Variants in DACH1 observed in about 807,000 individuals in gnomAD.
The protein encoded by DACH1 is dachshund homolog 1.
DACH1 carries 12 observed loss-of-function variants against 54.2 expected under a neutral mutation model. That is an observed-to-expected ratio of 0.22 (90% CI 0.14 to 0.36). The LOEUF (loss-of-function observed/expected upper bound fraction) is 0.36. DACH1 is among the 10% of genes least tolerant of loss of function. The probability of loss-of-function intolerance (pLI) is 1.00; values close to 1 mark genes in which losing one functional copy is unlikely to be tolerated. For synonymous variants in DACH1, 386 were observed against 366.2 expected, an observed-to-expected ratio of 1.05 and a Z score of -0.62; for missense variants, 805 against 929.8, an observed-to-expected ratio of 0.87 and a Z score of 1.75.
At chr13:71,850,105 T>C (rs1387929912) in intron 1 of DACH1, among the ~76,000 whole-genome samples, 2 of 152,176 alleles carry the variant, frequency 1.3e-5, no homozygotes, top group Admixed American at 6.5e-5. Context: ...CTATAATATG[T>C]TGGGGAAGGA....
intron 6 of DACH1, among the ~76,000 whole-genome samples, chr13:71,496,016 T>C (rs982003952): frequency 1.3e-5 from 2 of 151,834 alleles, no homozygotes; most frequent in Non-Finnish European, 2.9e-5. Context: ...GTGGATCACT[T>C]GAGGCCAGGA....
intron 2 of DACH1, 40 bp from the exon 3 acceptor site, chr13:71,630,757 G>T (rs764408341): frequency 6.6e-7 from 1 of 1,512,772 alleles, no homozygotes; most frequent in Non-Finnish European, 8.8e-7. Context: ...TTCAAATTCT[G>T]ATTTTTCATT....
rs561101752 is a variant in DACH1, at chr13:71,671,288, A to C, written c.964+10507T>G. ...AAAAATATATGTAAAAATCTCTTTCAATTGGAAAAAAAAAAGTATCCGTTA... is the reference window on the plus strand; with the variant it reads ...AAAAATATATGTAAAAATCTCTTTCCATTGGAAAAAAAAAAGTATCCGTTA... On this transcript the variant is annotated intron_variant, in intron 2 of 10. Coordinates refer to ENST00000613252, the MANE Select transcript of DACH1 (RefSeq NM_080759.6). 1.7e-3 allele frequency among the ~76,000 whole-genome samples: 259 copies of C among 152,106 alleles called. 1 individual carries two copies. Among genetic ancestry groups the C allele is most frequent in the African/African-American group, 6.0e-3 (251 of 41,548 alleles).
intron 6 of DACH1, among the ~76,000 whole-genome samples, chr13:71,498,172 A>T (rs1879605895): frequency 6.6e-6 from 1 of 152,344 alleles, no homozygotes; most frequent in East Asian, 1.9e-4. Flanking sequence ...ATTATATGCA[A>T]CTATCACCTA....
chr13:71,804,232 G>A (rs1220927979), intron 1 of DACH1, among the ~76,000 whole-genome samples: 2 of 152,122 alleles, frequency 1.3e-5, no homozygotes, highest in African/African-American at 2.4e-5. Flanking sequence ...AGAATTGCTT[G>A]AGCCCAAGAA....
chr13:71,574,645 A>ACT (rs1214031782), intron 3 of DACH1, among the ~76,000 whole-genome samples: 1 of 152,068 alleles, frequency 6.6e-6, no homozygotes, highest in Admixed American at 6.5e-5. Flanking sequence ...ATCTTAGAGT[A>ACT]AAGTGTTCAG....
intron 1 of DACH1, among the ~76,000 whole-genome samples, chr13:71,750,861 A>G (rs188066031): frequency 2.7e-3 from 409 of 152,332 alleles, no homozygotes; most frequent in Admixed American, 4.2e-3. Context: ...AATGAAACAC[A>G]CACATTGTTG....
intron 6 of DACH1, among the ~76,000 whole-genome samples, chr13:71,530,167 T>TGGAC (rs1882318635): frequency 6.6e-6 from 1 of 152,190 alleles, no homozygotes; most frequent in Non-Finnish European, 1.5e-5. Flanking sequence ...TAATGCTTTG[T>TGGAC]GGACATATAT....
At chr13:71,781,755 C>G (rs1201397987) in intron 1 of DACH1, among the ~76,000 whole-genome samples, 2 of 152,086 alleles carry the variant, frequency 1.3e-5, no homozygotes, top group Non-Finnish European at 2.9e-5. Context: ...AAATTTGATG[C>G]ATAATTCATG....
intron 3 of DACH1, 89 bp from the exon 4 acceptor site, chr13:71,573,101 T>C: frequency 7.7e-7 from 1 of 1,305,810 alleles, no homozygotes; most frequent in Non-Finnish European, 1.0e-6. Context: ...ATAATGGTAG[T>C]CAAAGAAACA....
At chr13:71,643,785 T>A (rs1418605349) in intron 2 of DACH1, among the ~76,000 whole-genome samples, 1 of 152,104 alleles carries the variant, frequency 6.6e-6, no homozygotes, top group Non-Finnish European at 1.5e-5. Context: ...AAATATTAAA[T>A]TACAGCCATG....
chr13:71,711,624 G>A (rs796742745), intron 1 of DACH1, among the ~76,000 whole-genome samples: 4 of 152,204 alleles, frequency 2.6e-5, no homozygotes, highest in African/African-American at 9.6e-5. Context: ...ATAATCATTT[G>A]TAATCAAACC....
chr13:71,744,488 C>G (rs772034585), intron 1 of DACH1, among the ~76,000 whole-genome samples: 1 of 152,172 alleles, frequency 6.6e-6, no homozygotes, highest in Non-Finnish European at 1.5e-5. Context: ...TTTCCTATCA[C>G]AATTCTGAAG....
chr13:71,483,386 TAATTA>T (rs1878220269), intron 7 of DACH1, among the ~76,000 whole-genome samples: 1 of 142,794 alleles, frequency 7.0e-6, no homozygotes, highest in South Asian at 2.1e-4. Context: ...TATGTATCAA[TAATTA>T]AATTATGATT....
intron 7 of DACH1, among the ~76,000 whole-genome samples, chr13:71,484,119 A>G (rs1305698730): frequency 1.3e-5 from 2 of 152,094 alleles, no homozygotes; most frequent in Non-Finnish European, 2.9e-5. Flanking sequence ...GATTATGTCC[A>G]TTTACTAGGC....
intron 10 of DACH1, among the ~76,000 whole-genome samples, chr13:71,443,571 CAT>C (rs986167555): frequency 5.3e-5 from 8 of 152,248 alleles, no homozygotes; most frequent in African/African-American, 1.7e-4. Flanking sequence ...AAATAGCATA[CAT>C]GTTTGGATAT....
intron 2 of DACH1, among the ~76,000 whole-genome samples, chr13:71,639,115 G>A (rs1877710415): frequency 6.6e-6 from 1 of 152,082 alleles, no homozygotes; most frequent in Non-Finnish European, 1.5e-5. Context: ...GAAAACACCA[G>A]TACCTTTTTT....
chr13:71,495,268 T>C (rs577943803), intron 6 of DACH1, among the ~76,000 whole-genome samples: 5 of 152,208 alleles, frequency 3.3e-5, no homozygotes, highest in African/African-American at 1.2e-4. Context: ...GGGAGTTTCC[T>C]TGAAAACTCT....
chr13:71,503,881 A>G (rs866225798), intron 6 of DACH1, among the ~76,000 whole-genome samples: 24 of 152,302 alleles, frequency 1.6e-4, no homozygotes, highest in Middle Eastern at 3.4e-3. Flanking sequence ...TAACATAGCC[A>G]TATAAAAATG....
Sources: gnomAD v4.1 joint callset for allele counts (sites outside exome capture counted in the v4.1 genomes callset) on GRCh38, gnomAD v4.1.1 for gene constraint, MANE v1.5 for transcripts, NCBI Gene and HGNC (gene_info 2026-07-23, HGNC 2026-07-21) for gene names.